Variants in MORF4L1 observed in about 807,000 individuals in gnomAD.
MORF4L1 encodes mortality factor 4-like protein 1.
In MORF4L1, 4 loss-of-function variants were observed where a neutral mutation model predicts 52.9. The observed-to-expected ratio is 0.08, with a 90% confidence interval of 0.04 to 0.17. The LOEUF is 0.17. Ranked by LOEUF, MORF4L1 falls within the 10% of genes least tolerant of loss-of-function variation. The pLI, the probability that MORF4L1 is intolerant of heterozygous loss-of-function variation, is 1.00. For synonymous variants in MORF4L1, 123 were observed against 134.8 expected, an observed-to-expected ratio of 0.91 and a Z score of 0.61; for missense variants, 214 against 390.4, an observed-to-expected ratio of 0.55 and a Z score of 3.81.
At position 78,878,268 on chromosome 15, in the gene MORF4L1, CTTGTT is replaced by C; in HGVS notation, c.87+12_87+16del. 1 of 1,610,120 alleles carries C rather than the reference CTTGTT, an allele frequency of 6.2e-7. No individual in the cohort carries two copies. The highest frequency in any genetic ancestry group is 8.5e-7 in the Non-Finnish European group (1 of 1,179,022). On this transcript the variant is annotated intron_variant, in intron 2 of 11. Coordinates refer to ENST00000426013, the MANE Select transcript of MORF4L1 (RefSeq NM_006791.4). ...TTCTTTATGAAGCAAAGGTATGAAA[CTTGTT>C]TTCTTTTGAGAAGTTGGCCAAAACT... is the stretch of plus-strand genomic sequence containing the variant.
chr15:78,879,240 C>A (rs1268549619), intron 2 of MORF4L1, among the ~76,000 whole-genome samples: 1 of 152,044 alleles, frequency 6.6e-6, no homozygotes, highest in South Asian at 2.1e-4. Context: ...GCCCCGCCCC[C>A]CAAGACAGTA....
intron 1 of MORF4L1, chr15:78,877,893 A>G (rs908985378): frequency 8.7e-6 from 2 of 230,814 alleles, no homozygotes; most frequent in African/African-American, 4.6e-5. Context: ...TTTCAGATAT[A>G]TAGTTAAAAC....
chr15:78,888,706 C>T (rs549562200), intron 5 of MORF4L1, among the ~76,000 whole-genome samples: 3 of 152,182 alleles, frequency 2.0e-5, no homozygotes, highest in South Asian at 2.1e-4. Context: ...TGCACCACTG[C>T]GCTCCAGCCT....
chr15:78,880,368 T>TC, intron 2 of MORF4L1, 144 bp from the exon 3 acceptor site: 1 of 616,104 alleles, frequency 1.6e-6, no homozygotes, highest in Non-Finnish European at 2.8e-6. Flanking sequence ...TTTTGTAACT[T>TC]GAGTATTCTA....
intron 3 of MORF4L1, among the ~76,000 whole-genome samples, chr15:78,882,649 A>G (rs925343646): frequency 2.0e-5 from 3 of 152,142 alleles, no homozygotes; most frequent in Non-Finnish European, 4.4e-5. Flanking sequence ...GGAGAATTTC[A>G]TTTCTCTACA....
chr15:78,874,224 T>C (rs2056433796), intron 1 of MORF4L1, among the ~76,000 whole-genome samples: 1 of 152,252 alleles, frequency 6.6e-6, no homozygotes, highest in East Asian at 1.9e-4. Context: ...TTACCGTAAA[T>C]ACGATGTCTA....
At chr15:78,886,449 A>T (rs1043254906) in intron 4 of MORF4L1, 5 of 531,766 alleles carry the variant, frequency 9.4e-6, no homozygotes, top group African/African-American at 1.9e-5. Context: ...ACCTAGGTAG[A>T]AAACAGCAGA....
At position 78,893,743 on chromosome 15, in the gene MORF4L1, T is replaced by C. The variant is rs144020165; in HGVS notation, c.629+116T>C. ...TTAATACCACCAGAAACTAGCAAAA[T>C]AGAATTTCACTGCTTTGACACAGGA... On this transcript the variant is annotated intron_variant, in intron 9 of 11. Transcript: ENST00000426013. The C allele has an allele frequency of 4.9e-3, 3,563 of 723,378 alleles. 15 individuals are homozygous for C. Among genetic ancestry groups the C allele is most frequent in the Middle Eastern group, 0.01 (40 of 3,914 alleles). The allele number at this position is 723,378 out of a possible 1,614,324, so 44.8% of individuals were successfully genotyped here. A position where few individuals can be genotyped will look rare whatever the true frequency, so the allele number is the denominator to read the frequency against.
chr15:78,880,870 T>TG (rs2056589786), intron 3 of MORF4L1, among the ~76,000 whole-genome samples: 2 of 5,922 alleles, frequency 3.4e-4, no homozygotes, highest in South Asian at 0.016. Flanking sequence ...CATTTTTCTG[T>TG]TTTTTTTTTT....
At chr15:78,891,275 G>A (rs916073127) in intron 6 of MORF4L1, 2 of 648,256 alleles carry the variant, frequency 3.1e-6, no homozygotes, top group Non-Finnish European at 5.4e-6. Flanking sequence ...AATGGAAGAT[G>A]GTGATACTAA....
intron 9 of MORF4L1, 51 bp from the exon 10 acceptor site, chr15:78,894,007 T>C (rs926801954): frequency 6.7e-7 from 1 of 1,493,420 alleles, no homozygotes; most frequent in Non-Finnish European, 9.2e-7. Flanking sequence ...TTATTCTCTA[T>C]GTCAGTTATT....
chr15:78,879,606 C>T (rs2056562848), intron 2 of MORF4L1, among the ~76,000 whole-genome samples: 1 of 152,080 alleles, frequency 6.6e-6, no homozygotes, highest in Non-Finnish European at 1.5e-5. Flanking sequence ...TGTATACGTA[C>T]ATACATCTTA....
At chr15:78,884,879 C>A in intron 3 of MORF4L1, 1 of 831,278 alleles carries the variant, frequency 1.2e-6, no homozygotes, top group Non-Finnish European at 1.8e-6. Flanking sequence ...CACTTAAATA[C>A]TCCATTTGTA....
intron 1 of MORF4L1, among the ~76,000 whole-genome samples, chr15:78,873,551 G>A (rs1016963303): frequency 6.6e-6 from 1 of 152,156 alleles, no homozygotes; most frequent in Non-Finnish European, 1.5e-5. Context: ...TGCGGATGGG[G>A]GTGGGTTTGG....
At chr15:78,883,674 A>T (rs2056642490) in intron 3 of MORF4L1, among the ~76,000 whole-genome samples, 1 of 152,234 alleles carries the variant, frequency 6.6e-6, no homozygotes, top group Non-Finnish European at 1.5e-5. Flanking sequence ...ATCTTTGTAG[A>T]TGTATTGAGG....
intron 1 of MORF4L1, chr15:78,877,920 C>G (rs183024437): frequency 1.1e-4 from 32 of 286,888 alleles, no homozygotes; most frequent in Non-Finnish European, 1.0e-4. Context: ...ACCAACCAAC[C>G]TCGACAGCTT....
At chr15:78,873,173 G>A (rs112901866) in intron 1 of MORF4L1, 116 bp downstream of exon 1, 23 of 1,530,872 alleles carry the variant, frequency 1.5e-5, no homozygotes, top group South Asian at 1.2e-4. Flanking sequence ...AGAAGGCGGC[G>A]GTCAGTGCTT....
intron 11 of MORF4L1, 53 bp downstream of exon 11, chr15:78,894,957 G>T: frequency 7.2e-7 from 1 of 1,394,306 alleles, no homozygotes; most frequent in Non-Finnish European, 1.0e-6. Flanking sequence ...GCGTGTAATG[G>T]GAGGGATTGG....
At chr15:78,895,955 G>C (rs570109685) in intron 11 of MORF4L1, among the ~76,000 whole-genome samples, 1 of 151,758 alleles carries the variant, frequency 6.6e-6, no homozygotes, top group Non-Finnish European at 1.5e-5. Flanking sequence ...GACATTTCAC[G>C]TTCCCTTTTA....
Sources: allele counts gnomAD v4.1 joint callset (sites outside exome capture counted in the v4.1 genomes callset), GRCh38; gene constraint gnomAD v4.1.1; transcripts MANE v1.5; gene names NCBI Gene and HGNC (gene_info 2026-07-23, HGNC 2026-07-21).